PLB1: variants seen among roughly 807,000 people sequenced by gnomAD.
PLB1 encodes the protein phospholipase B1, also known as phospholipase B1, membrane-associated.
PLB1 carries 242 observed loss-of-function variants against 227.4 expected under a neutral mutation model. That is an observed-to-expected ratio of 1.06 (90% CI 0.96 to 1.18). The LOEUF (loss-of-function observed/expected upper bound fraction) is 1.18, where lower values mean the gene tolerates loss of function less well. Among genes scored for constraint, PLB1 ranks in the 50% most tolerant of loss-of-function variants. The pLI is 0.00. For synonymous variants in PLB1, 757 were observed against 682.2 expected (o/e 1.11, Z -1.71); for missense variants, 1,858 against 1,816.3 (o/e 1.02, Z -0.42).
chr2:28,620,228 A>T (rs755009689), intron 46 of PLB1, 37 bp from the exon 47 acceptor site: 8 of 1,508,976 alleles, frequency 5.3e-6, no homozygotes, highest in African/African-American at 4.1e-5. Context: ...CCCTCAGCCT[A>T]TACCCCAGCC....
At chr2:28,591,822 G>C in intron 31 of PLB1, 62 bp downstream of exon 31, 2 of 1,517,036 alleles carry the variant, frequency 1.3e-6, no homozygotes, top group Non-Finnish European at 1.8e-6. Flanking sequence ...ATGCTGGTGA[G>C]TCCTCTGACC....
chr2:28,556,577 C>T (rs1326708889), intron 17 of PLB1, among the ~76,000 whole-genome samples: 1 of 152,168 alleles, frequency 6.6e-6, no homozygotes, highest in African/African-American at 2.4e-5. Context: ...CTCTCCCTAA[C>T]ATAGTTAGCA....
intron 21 of PLB1, among the ~76,000 whole-genome samples, chr2:28,573,687 ACT>A (rs1678405267): frequency 6.6e-6 from 1 of 151,780 alleles, no homozygotes; most frequent in Non-Finnish European, 1.5e-5. Context: ...TGGGCTTTAA[ACT>A]CTGCATCCTT....
chr2:28,534,409 A>G (rs192857926), intron 9 of PLB1, among the ~76,000 whole-genome samples: 2 of 151,754 alleles, frequency 1.3e-5, no homozygotes, highest in African/African-American at 4.8e-5. Context: ...CCAACATTGT[A>G]AAAAAAATAG....
intron 54 of PLB1, among the ~76,000 whole-genome samples, chr2:28,631,122 C>T (rs1282836148): frequency 2.0e-5 from 3 of 150,696 alleles, no homozygotes; most frequent in African/African-American, 7.4e-5. Flanking sequence ...CCATTGTACT[C>T]TGCCTAGACA....
intron 42 of PLB1, 53 bp downstream of exon 42, chr2:28,606,001 C>T: frequency 1.4e-6 from 2 of 1,400,508 alleles, no homozygotes; most frequent in Non-Finnish European, 1.0e-6. Context: ...TAGGGCAGGG[C>T]ACCAGCCCCT....
At chr2:28,635,291 G>A (rs1689165824) in intron 56 of PLB1, among the ~76,000 whole-genome samples, 1 of 152,116 alleles carries the variant, frequency 6.6e-6, no homozygotes, top group South Asian at 2.1e-4. Context: ...ATCGGCTTCT[G>A]GCTGGAATTT....
intron 23 of PLB1, among the ~76,000 whole-genome samples, chr2:28,580,082 G>A (rs1426077401): frequency 6.6e-6 from 1 of 152,214 alleles, no homozygotes; most frequent in East Asian, 1.9e-4. Context: ...GCTGTCACTT[G>A]TATGGGAAGG....
intron 37 of PLB1, 21 bp downstream of exon 37, chr2:28,601,353 G>A: frequency 6.2e-7 from 1 of 1,607,492 alleles, no homozygotes; most frequent in African/African-American, 1.3e-5. Context: ...CCAGGTCCAG[G>A]CCTACTTGTT....
chr2:28,586,283 G>A (rs1482766945), intron 26 of PLB1, among the ~76,000 whole-genome samples: 1 of 152,176 alleles, frequency 6.6e-6, no homozygotes, highest in Non-Finnish European at 1.5e-5. Context: ...GCTCTCCAGG[G>A]TTCAGTGACA....
intron 21 of PLB1, among the ~76,000 whole-genome samples, chr2:28,576,637 C>T (rs545953523): frequency 5.9e-5 from 9 of 152,056 alleles, no homozygotes; most frequent in Non-Finnish European, 7.4e-5. Flanking sequence ...GGCTGAGGCA[C>T]GAGAATTGCT....
intron 8 of PLB1, among the ~76,000 whole-genome samples, chr2:28,530,799 G>C (rs974239695): frequency 2.0e-5 from 3 of 152,192 alleles, no homozygotes; most frequent in African/African-American, 7.2e-5. Flanking sequence ...GTGAAGTGAA[G>C]GTCATTCTAA....
intron 17 of PLB1, among the ~76,000 whole-genome samples, chr2:28,561,864 C>T (rs927105267): frequency 1.3e-5 from 2 of 152,106 alleles, no homozygotes; most frequent in African/African-American, 4.8e-5. Context: ...CACTCCAGCC[C>T]AGGTGACACA....
At position 28,506,235 on chromosome 2, in the gene PLB1, A is replaced by G. The variant is rs148318742; in HGVS notation, c.55+10066A>G. Among the ~76,000 whole-genome samples, 389 of 152,318 alleles carry G rather than the reference A, an allele frequency of 2.6e-3. 3 individuals are homozygous for G. Among genetic ancestry groups the G allele is most frequent in the African/African-American group, 8.9e-3 (370 of 41,576 alleles). ...CACTGGAGAAGAATTAAGCACCAAAATAGGTGCAAGCAGCTGTAATAAAAG... is the reference window on the plus strand; with the variant it reads ...CACTGGAGAAGAATTAAGCACCAAAGTAGGTGCAAGCAGCTGTAATAAAAG... On this transcript the variant is annotated intron_variant, in intron 1 of 57. Coordinates refer to ENST00000327757, the MANE Select transcript of PLB1 (RefSeq NM_153021.5).
At chr2:28,538,724 C>T (rs1030648667) in intron 10 of PLB1, among the ~76,000 whole-genome samples, 7 of 152,174 alleles carry the variant, frequency 4.6e-5, no homozygotes, top group Non-Finnish European at 1.5e-5. Context: ...GACCGTGATG[C>T]TGCTGCAGGG....
At chr2:28,590,617 G>A (rs575335476) in intron 29 of PLB1, among the ~76,000 whole-genome samples, 30 of 152,162 alleles carry the variant, frequency 2.0e-4, no homozygotes, top group Admixed American at 3.3e-4. Context: ...AGCTGTCCTC[G>A]TCCCCAAGAA....
At position 28,588,470 on chromosome 2, in the gene PLB1, G is replaced by T. The variant is rs72850413; in HGVS notation, c.1816-980G>T. The stretch of plus-strand genomic sequence containing the variant: ...GTCAGACATGAGACATTCCTGGCCT[G>T]GGAATTGACCCTGGGAAAAGACAGT... On this transcript the variant is annotated intron_variant, in intron 26 of 57. Transcript: ENST00000327757. Among the ~76,000 whole-genome samples the T allele has an allele frequency of 6.6e-3, 1,009 of 152,266 alleles. 8 individuals carry two copies. Among genetic ancestry groups the T allele is most frequent in the African/African-American group, 0.023 (947 of 41,562 alleles).
chr2:28,644,114 TA>T lies in PLB1; in HGVS notation c.*1059del, dbSNP rs964351575. On this transcript the variant is annotated 3_prime_UTR_variant, in exon 58 of 58. Transcript: ENST00000327757. The stretch of plus-strand genomic sequence containing the variant: ...GTGTATCATGTGAATTTCACTTCAA[TA>T]AAAAAGAATCCAGGGAGGTAGACAT... Among the ~76,000 whole-genome samples the T allele has an allele frequency of 1.8e-4, 27 of 152,306 alleles. No individual in the cohort carries two copies. Among genetic ancestry groups the T allele is most frequent in the Admixed American group, 1.6e-3 (25 of 15,308 alleles).
chr2:28,591,252 G>T (rs1681872839), intron 30 of PLB1, 81 bp downstream of exon 30: 1 of 1,570,820 alleles, frequency 6.4e-7, no homozygotes, highest in Non-Finnish European at 8.8e-7. Context: ...AACAGGACAG[G>T]GTGGGAAAGC....
Sources: allele counts gnomAD v4.1 joint callset (sites outside exome capture counted in the v4.1 genomes callset), GRCh38; gene constraint gnomAD v4.1.1; transcripts MANE v1.5; gene names NCBI Gene and HGNC (gene_info 2026-07-23, HGNC 2026-07-21).